Variants in CADM1 observed in about 807,000 individuals in gnomAD.
CADM1 encodes the protein cell adhesion molecule 1.
A neutral mutation model predicts 53.1 loss-of-function variants in CADM1; 15 were observed. The observed-to-expected ratio is 0.28, with a 90% confidence interval of 0.19 to 0.44. The LOEUF (loss-of-function observed/expected upper bound fraction) is 0.44, where lower values mean the gene tolerates loss of function less well. Ranked by LOEUF, CADM1 falls within the 20% of genes least tolerant of loss-of-function variation. The pLI, the probability that CADM1 is intolerant of heterozygous loss-of-function variation, is 1.00. For missense variants in CADM1, 434 were observed against 611.3 expected (o/e 0.71, Z 3.06); for synonymous variants, 281 against 243.0 (o/e 1.16, Z -1.45).
chr11:115,366,483 A>G (rs1387759407), intron 1 of CADM1, among the ~76,000 whole-genome samples: 1 of 152,190 alleles, frequency 6.6e-6, no homozygotes, highest in African/African-American at 2.4e-5. Context: ...GGGAGTTCAT[A>G]TCCCCTCGGA....
At chr11:115,458,790 A>C (rs1382666505) in intron 1 of CADM1, among the ~76,000 whole-genome samples, 1 of 152,098 alleles carries the variant, frequency 6.6e-6, no homozygotes, top group Non-Finnish European at 1.5e-5. Context: ...GAATCAGATA[A>C]AAGACTAGCC....
At chr11:115,393,066 CAAAAAA>C (rs758785520) in intron 1 of CADM1, among the ~76,000 whole-genome samples, 14 of 50,222 alleles carry the variant, frequency 2.8e-4, no homozygotes, top group East Asian at 5.5e-4. Flanking sequence ...CCATCTCTTC[CAAAAAA>C]AAAAAAAAAA....
chr11:115,462,023 C>A (rs904440919), intron 1 of CADM1, among the ~76,000 whole-genome samples: 2 of 151,954 alleles, frequency 1.3e-5, no homozygotes, highest in African/African-American at 4.8e-5. Context: ...AACATTTAGC[C>A]GGTAGAGGGA....
At chr11:115,184,883 A>G (rs1225441707) in intron 10 of CADM1, among the ~76,000 whole-genome samples, 1 of 152,144 alleles carries the variant, frequency 6.6e-6, no homozygotes, top group Non-Finnish European at 1.5e-5. Flanking sequence ...GCTCTCTTAG[A>G]CTATCACTGG....
chr11:115,343,248 T>C (rs1308962321), intron 1 of CADM1, among the ~76,000 whole-genome samples: 2 of 152,120 alleles, frequency 1.3e-5, no homozygotes, highest in Non-Finnish European at 2.9e-5. Context: ...AGAATTTGAA[T>C]CCAAAAGGTC....
At chr11:115,254,733 C>T (rs957297246) in intron 1 of CADM1, among the ~76,000 whole-genome samples, 7 of 151,800 alleles carry the variant, frequency 4.6e-5, no homozygotes, top group Admixed American at 2.6e-4. Context: ...AAAGGAGGAT[C>T]GTGGCATATT....
intron 2 of CADM1, 77 bp downstream of exon 2, chr11:115,240,197 G>C: frequency 7.4e-7 from 1 of 1,348,196 alleles, no homozygotes; most frequent in Non-Finnish European, 1.1e-6. Flanking sequence ...TAAAAAAGGT[G>C]GCCTTAGCAA....
intron 1 of CADM1, among the ~76,000 whole-genome samples, chr11:115,381,019 G>T (rs1946561788): frequency 6.6e-6 from 1 of 152,032 alleles, no homozygotes; most frequent in Admixed American, 6.6e-5. Context: ...GGTGGTAACA[G>T]GCCAGGCAAG....
rs1565349018 is a variant in CADM1 at position 115,295,509 on chromosome 11, TATATATATATATATATA to T, written c.125-55106_125-55090del. Among the ~76,000 whole-genome samples the T allele has an allele frequency of 7.2e-3, 200 of 27,932 alleles. 7 individuals carry two copies. Among genetic ancestry groups the T allele is most frequent in the African/African-American group, 0.037 (184 of 4,948 alleles). 18.3% of individuals were successfully genotyped at this position (27,932 alleles called of 152,430 possible). A position where few individuals can be genotyped will look rare whatever the true frequency, so the allele number is the denominator to read the frequency against. On this transcript the variant is annotated intron_variant, in intron 1 of 11. Coordinates refer to ENST00000331581, the MANE Select transcript of CADM1 (RefSeq NM_001301043.2). ...TATATGCTTTGATCAAGATATTTTA[TATATATATATATATATA>T]TATATATATATATATATATATATAA...
chr11:115,469,957 G>A (rs578172566), intron 1 of CADM1, among the ~76,000 whole-genome samples: 55 of 152,216 alleles, frequency 3.6e-4, no homozygotes, highest in Admixed American at 1.3e-3. Context: ...ACAGGTATGC[G>A]CCACCGTGCC....
intron 1 of CADM1, among the ~76,000 whole-genome samples, chr11:115,389,671 AT>A (rs1946785447): frequency 6.6e-6 from 1 of 152,178 alleles, no homozygotes; most frequent in Non-Finnish European, 1.5e-5. Context: ...AAACAGGCAG[AT>A]AAAAGGAAAA....
At chr11:115,239,652 A>G (rs1333479943) in intron 2 of CADM1, among the ~76,000 whole-genome samples, 1 of 151,880 alleles carries the variant, frequency 6.6e-6, no homozygotes, top group African/African-American at 2.4e-5. Context: ...GGGGACAAGC[A>G]GCTGGGAAGA....
intron 1 of CADM1, among the ~76,000 whole-genome samples, chr11:115,357,220 A>C (rs974319775): frequency 9.2e-5 from 14 of 152,122 alleles, no homozygotes; most frequent in Non-Finnish European, 1.5e-5. Context: ...CTCCTGCTGT[A>C]CCCCAGCCTG....
chr11:115,363,280 T>C (rs1362886215), intron 1 of CADM1, among the ~76,000 whole-genome samples: 1 of 152,182 alleles, frequency 6.6e-6, no homozygotes, highest in Admixed American at 6.5e-5. Flanking sequence ...TACCATCTCC[T>C]ACCGTTTTTC....
intron 1 of CADM1, among the ~76,000 whole-genome samples, chr11:115,297,558 A>G (rs1047393612): frequency 6.6e-6 from 1 of 152,222 alleles, no homozygotes; most frequent in African/African-American, 2.4e-5. Flanking sequence ...CACAGATAAA[A>G]TCATACATGT....
chr11:115,412,752 C>T (rs1164830745), intron 1 of CADM1, among the ~76,000 whole-genome samples: 1 of 152,162 alleles, frequency 6.6e-6, no homozygotes, highest in Non-Finnish European at 1.5e-5. Flanking sequence ...TACCATTAAT[C>T]TATCCTAAGC....
intron 3 of CADM1, among the ~76,000 whole-genome samples, chr11:115,234,947 G>C (rs1390417794): frequency 6.7e-6 from 1 of 149,716 alleles, no homozygotes; most frequent in Admixed American, 6.7e-5. Context: ...AAAATGAAGG[G>C]CTTATTCATT....
At chr11:115,285,383 C>T (rs1943704760) in intron 1 of CADM1, among the ~76,000 whole-genome samples, 1 of 152,176 alleles carries the variant, frequency 6.6e-6, no homozygotes, top group Admixed American at 6.5e-5. Context: ...TACATTAGTT[C>T]ATTTACCCTC....
chr11:115,400,088 G>C (rs1021018728), intron 1 of CADM1, among the ~76,000 whole-genome samples: 9 of 152,160 alleles, frequency 5.9e-5, no homozygotes, highest in African/African-American at 9.7e-5. Flanking sequence ...AGGTGGCAAA[G>C]AAAGTCTCTA....
Sources: allele counts gnomAD v4.1 joint callset (sites outside exome capture counted in the v4.1 genomes callset), GRCh38; gene constraint gnomAD v4.1.1; transcripts MANE v1.5; gene names NCBI Gene and HGNC (gene_info 2026-07-23, HGNC 2026-07-21).